The following RASEF variants were observed in gnomAD, a reference collection of about 807,000 sequenced individuals.
RASEF encodes ras and EF-hand domain-containing protein.
RASEF carries 68 observed loss-of-function variants against 90.1 expected under a neutral mutation model. The ratio of observed to expected loss-of-function variants is 0.75; its 90% CI spans 0.62 to 0.92. RASEF has a LOEUF of 0.92. RASEF is among the 40% of genes least tolerant of loss of function. The probability of loss-of-function intolerance (pLI) is 0.00; values close to 1 mark genes in which losing one functional copy is unlikely to be tolerated. For missense variants in RASEF, 949 were observed against 937.2 expected (o/e 1.01, Z -0.16); for synonymous variants, 331 against 345.2 (o/e 0.96, Z 0.46).
At chr9:82,998,971 T>C (rs1002223148) in intron 12 of RASEF, among the ~76,000 whole-genome samples, 3 of 152,214 alleles carry the variant, frequency 2.0e-5, no homozygotes, top group African/African-American at 7.2e-5. Flanking sequence ...TTTACATGCA[T>C]CATGGTCTCT....
chr9:83,069,821 C>T, the RASEF span, among the ~76,000 whole-genome samples: 4 of 152,170 alleles, frequency 2.6e-5, no homozygotes, highest in Admixed American at 2.6e-4. Context: ...TTCTTGTCAA[C>T]CCTTGGTAGC....
At chr9:83,145,246 T>G in the RASEF span, among the ~76,000 whole-genome samples, 1 of 152,104 alleles carries the variant, frequency 6.6e-6, no homozygotes, top group Admixed American at 6.6e-5. Flanking sequence ...TAGAAGAAGA[T>G]AATCAAACGT....
At chr9:83,216,448 T>C in the RASEF span, among the ~76,000 whole-genome samples, 1 of 152,182 alleles carries the variant, frequency 6.6e-6, no homozygotes, top group African/African-American at 2.4e-5. Flanking sequence ...AGGCTGTGGC[T>C]TCAGAGGATG....
the RASEF span, among the ~76,000 whole-genome samples, chr9:83,175,558 C>G: frequency 9.6e-3 from 1,451 of 151,518 alleles, 26 homozygotes; most frequent in African/African-American, 0.033. Flanking sequence ...TTCATTGTGG[C>G]TAAAACATCC....
chr9:83,166,093 A>G, the RASEF span, among the ~76,000 whole-genome samples: 4 of 152,338 alleles, frequency 2.6e-5, no homozygotes, highest in Non-Finnish European at 4.4e-5. Flanking sequence ...AACAGAGAAA[A>G]TATACAAATC....
intron 16 of RASEF, among the ~76,000 whole-genome samples, chr9:82,985,942 G>C (rs1433411434): frequency 6.6e-6 from 1 of 152,178 alleles, no homozygotes; most frequent in East Asian, 1.9e-4. Context: ...TGGATATGCA[G>C]AGTCACCATG....
chr9:83,017,499 C>CCA (rs1829364821), intron 3 of RASEF, among the ~76,000 whole-genome samples: 1 of 144,684 alleles, frequency 6.9e-6, no homozygotes, highest in Non-Finnish European at 1.5e-5. Flanking sequence ...GACTCTGTCT[C>CCA]AAAAAAAAAA....
the RASEF span, among the ~76,000 whole-genome samples, chr9:83,093,562 G>T: frequency 1.4e-4 from 21 of 152,246 alleles, no homozygotes; most frequent in East Asian, 5.8e-4. Flanking sequence ...TCATTGCCCA[G>T]GGCCAGCAGG....
In RASEF at chr9:83,036,498, G is replaced by T. The variant is rs148026688; in HGVS notation, c.432-10577C>A. Among the ~76,000 whole-genome samples, 891 of 152,310 alleles carry T rather than the reference G, an allele frequency of 5.8e-3. 8 individuals are homozygous for T. Among genetic ancestry groups the T allele is most frequent in the African/African-American group, 0.02 (827 of 41,564 alleles). On this transcript the variant is annotated intron_variant, in intron 1 of 16. Transcript: ENST00000376447. ...TCGGATGCTCTTGCTACAGTGAGTT[G>T]ACCTTTTTTATATGGTTTAAGTGTA...
At chr9:83,083,712 A>G in the RASEF span, among the ~76,000 whole-genome samples, 1 of 152,182 alleles carries the variant, frequency 6.6e-6, no homozygotes, top group Non-Finnish European at 1.5e-5. Flanking sequence ...AATGCTGGCT[A>G]CATATTTAAG....
chr9:83,068,172 G>A (rs986057982), upstream of RASEF, among the ~76,000 whole-genome samples: 1 of 152,186 alleles, frequency 6.6e-6, no homozygotes, highest in Non-Finnish European at 1.5e-5. Flanking sequence ...ATACCTGGTC[G>A]CTGTTTCATA....
At chr9:83,026,263 T>C (rs1035736586) in intron 1 of RASEF, among the ~76,000 whole-genome samples, 4 of 152,218 alleles carry the variant, frequency 2.6e-5, no homozygotes, top group African/African-American at 9.7e-5. Context: ...ATTCCATGTT[T>C]CATCCACCCC....
At chr9:83,060,563 T>C (rs1830185410) in intron 1 of RASEF, among the ~76,000 whole-genome samples, 1 of 152,226 alleles carries the variant, frequency 6.6e-6, no homozygotes, top group Non-Finnish European at 1.5e-5. Context: ...GCTTATGGAA[T>C]ACATTTGGCT....
chr9:83,183,914 C>T, the RASEF span, among the ~76,000 whole-genome samples: 1 of 152,172 alleles, frequency 6.6e-6, no homozygotes, highest in African/African-American at 2.4e-5. Flanking sequence ...GTATTAGAAT[C>T]ACCTGGAGGG....
chr9:83,067,103 C>T (rs1436477722), upstream of RASEF, among the ~76,000 whole-genome samples: 1 of 152,026 alleles, frequency 6.6e-6, no homozygotes, highest in East Asian at 1.9e-4. Flanking sequence ...TTGTAATCCA[C>T]CCTGTAAGAT....
Position 82,999,640 on chromosome 9 carries a change from A to G in RASEF, c.1723+529T>C, listed in dbSNP as rs1587483288. On this transcript the variant is annotated intron_variant, in intron 12 of 16. Transcript: ENST00000376447. ...TTTTTTTGTGGCAGGGTCTCACTCT[A>G]TCACCCAGGCTGAAGTGCAGTGGTG... Among the ~76,000 whole-genome samples the G allele has an allele frequency of 3.3e-5, 5 of 150,270 alleles. No homozygotes were observed. In the South Asian group the frequency reaches 1.1e-3, roughly 32 times the overall value.
At chr9:83,048,055 C>G (rs1475786950) in intron 1 of RASEF, 17 of 933,762 alleles carry the variant, frequency 1.8e-5, no homozygotes, top group African/African-American at 3.6e-5. Flanking sequence ...GGCTTTCCTC[C>G]CAGCATATAA....
chr9:83,205,306 A>G, the RASEF span, among the ~76,000 whole-genome samples: 1 of 152,230 alleles, frequency 6.6e-6, no homozygotes, highest in Non-Finnish European at 1.5e-5. Context: ...GATGAAGCAC[A>G]AACAGATTTT....
the RASEF span, among the ~76,000 whole-genome samples, chr9:83,198,269 C>T: frequency 2.6e-5 from 4 of 152,284 alleles, no homozygotes; most frequent in East Asian, 7.7e-4. Flanking sequence ...AGTTTATGCT[C>T]AAAGGAAACA....
Sources: gnomAD v4.1 joint callset for allele counts (sites outside exome capture counted in the v4.1 genomes callset) on GRCh38, gnomAD v4.1.1 for gene constraint, MANE v1.5 for transcripts, NCBI Gene and HGNC (gene_info 2026-07-23, HGNC 2026-07-21) for gene names.